Variants in SNX29 observed in about 807,000 individuals in gnomAD.
SNX29 encodes sorting nexin 29.
A neutral mutation model predicts 102.1 loss-of-function variants in SNX29; 78 were observed. That is an observed-to-expected ratio of 0.76 (90% CI 0.64 to 0.92). The LOEUF (loss-of-function observed/expected upper bound fraction) is 0.92. Ranked by LOEUF, SNX29 falls within the 40% of genes least tolerant of loss-of-function variation. The pLI is 0.00. For missense variants in SNX29, 1,280 were observed against 1,061.7 expected (o/e 1.21, Z -2.86); for synonymous variants, 580 against 414.5 (o/e 1.40, Z -4.85).
intron 18 of SNX29, among the ~76,000 whole-genome samples, chr16:12,430,354 G>T (rs1184037232): frequency 1.3e-5 from 2 of 152,228 alleles, no homozygotes; most frequent in African/African-American, 4.8e-5. Flanking sequence ...GATAATGACT[G>T]TGAGGTTCCC....
intron 20 of SNX29, among the ~76,000 whole-genome samples, chr16:12,550,586 C>T (rs774492158): frequency 2.0e-5 from 3 of 150,930 alleles, no homozygotes; most frequent in Non-Finnish European, 4.4e-5. Flanking sequence ...TCCACCGGTG[C>T]ATACATACGT....
At chr16:12,317,595 C>T (rs1027730800) in intron 15 of SNX29, among the ~76,000 whole-genome samples, 2 of 152,236 alleles carry the variant, frequency 1.3e-5, no homozygotes, top group African/African-American at 2.4e-5. Flanking sequence ...GTGCTGCCAC[C>T]TAACACTCTC....
At chr16:12,054,623 C>G (rs1225050152) in intron 8 of SNX29, among the ~76,000 whole-genome samples, 1 of 152,240 alleles carries the variant, frequency 6.6e-6, no homozygotes, top group East Asian at 1.9e-4. Context: ...GGTTCTCAGG[C>G]TTCAGACTTG....
intron 14 of SNX29, among the ~76,000 whole-genome samples, chr16:12,234,654 T>A (rs1335245248): frequency 2.6e-5 from 4 of 152,228 alleles, no homozygotes; most frequent in Non-Finnish European, 5.9e-5. Flanking sequence ...TCTGTTAATT[T>A]TAGGCTTCAA....
chr16:12,024,681 A>T (rs1012066504), intron 3 of SNX29, among the ~76,000 whole-genome samples: 7 of 152,218 alleles, frequency 4.6e-5, no homozygotes, highest in Non-Finnish European at 7.3e-5. Context: ...GGATTTGTGC[A>T]GTTCGCCTGC....
intron 14 of SNX29, among the ~76,000 whole-genome samples, chr16:12,249,399 C>T (rs1029046799): frequency 4.6e-5 from 7 of 152,246 alleles, no homozygotes; most frequent in Admixed American, 1.3e-4. Flanking sequence ...GTGCAAGGCT[C>T]ATCAAGCCTC....
chr16:12,528,019 G>T (rs913292689), intron 20 of SNX29, among the ~76,000 whole-genome samples: 2 of 151,522 alleles, frequency 1.3e-5, no homozygotes, highest in African/African-American at 4.9e-5. Flanking sequence ...TAGAGATGGG[G>T]TTTCACCGTG....
intron 14 of SNX29, among the ~76,000 whole-genome samples, chr16:12,218,452 G>A (rs1246936140): frequency 1.3e-5 from 2 of 152,202 alleles, no homozygotes; most frequent in African/African-American, 4.8e-5. Flanking sequence ...TTGGATCATG[G>A]CCATATTCAT....
intron 15 of SNX29, among the ~76,000 whole-genome samples, chr16:12,340,809 G>A (rs1269409763): frequency 6.6e-6 from 1 of 152,152 alleles, no homozygotes; most frequent in Admixed American, 6.5e-5. Flanking sequence ...GGTTCTTGAA[G>A]GTCTGAGATC....
chr16:12,283,325 TC>T (rs1201637318), intron 15 of SNX29, among the ~76,000 whole-genome samples: 2 of 151,466 alleles, frequency 1.3e-5, no homozygotes, highest in Non-Finnish European at 1.5e-5. Flanking sequence ...TTTTTTTTTT[TC>T]TTTTTCTTTT....
At chr16:12,445,987 C>T (rs746653117) in intron 18 of SNX29, among the ~76,000 whole-genome samples, 29 of 151,400 alleles carry the variant, frequency 1.9e-4, no homozygotes, top group Middle Eastern at 3.4e-3. Context: ...CACGCTTTCG[C>T]GCTGCACACC....
At chr16:12,308,391 T>C (rs949945311) in intron 15 of SNX29, among the ~76,000 whole-genome samples, 1 of 152,200 alleles carries the variant, frequency 6.6e-6, no homozygotes, top group Non-Finnish European at 1.5e-5. Flanking sequence ...TTGGGTGGCA[T>C]GTTATCCCTT....
chr16:12,478,592 G>T (rs555038868), intron 19 of SNX29, among the ~76,000 whole-genome samples: 1 of 152,316 alleles, frequency 6.6e-6, no homozygotes, highest in South Asian at 2.1e-4. Context: ...TGTGCAAGGG[G>T]CTGGGTTCAG....
chr16:12,524,623 G>C, intron 19 of SNX29, 79 bp from the exon 20 acceptor site: 1 of 1,508,924 alleles, frequency 6.6e-7, no homozygotes, highest in Non-Finnish European at 8.9e-7. Flanking sequence ...GCGCTGATGG[G>C]TGATCGCCTG....
At chr16:12,025,072 C>T (rs531914673) in intron 3 of SNX29, among the ~76,000 whole-genome samples, 1 of 151,924 alleles carries the variant, frequency 6.6e-6, no homozygotes, top group Non-Finnish European at 1.5e-5. Context: ...GAGGCCAAGG[C>T]GGGCAGATCA....
At chr16:12,184,764 A>AT (rs1341351277) in intron 13 of SNX29, among the ~76,000 whole-genome samples, 1 of 152,226 alleles carries the variant, frequency 6.6e-6, no homozygotes, top group Non-Finnish European at 1.5e-5. Context: ...TCCCCAAGGC[A>AT]TGGGCTGGAA....
At chr16:12,479,024 C>T (rs1325624461) in intron 19 of SNX29, among the ~76,000 whole-genome samples, 2 of 152,200 alleles carry the variant, frequency 1.3e-5, no homozygotes, top group African/African-American at 4.8e-5. Context: ...TTGTATTGAG[C>T]ATGATCTCTC....
intron 14 of SNX29, among the ~76,000 whole-genome samples, chr16:12,242,978 C>G (rs1257096387): frequency 6.6e-6 from 1 of 152,222 alleles, no homozygotes; most frequent in Non-Finnish European, 1.5e-5. Flanking sequence ...TACCGCATCT[C>G]TCAGTTCAGC....
intron 16 of SNX29, among the ~76,000 whole-genome samples, chr16:12,386,473 C>G (rs895629659): frequency 1.3e-5 from 2 of 152,156 alleles, no homozygotes; most frequent in Non-Finnish European, 2.9e-5. Flanking sequence ...GCAATGTGAA[C>G]TGGGTGGCTG....
Sources: allele counts gnomAD v4.1 joint callset (sites outside exome capture counted in the v4.1 genomes callset), GRCh38; gene constraint gnomAD v4.1.1; transcripts MANE v1.5; gene names NCBI Gene and HGNC (gene_info 2026-07-23, HGNC 2026-07-21).